Variants in OR52B2 observed in about 807,000 individuals in gnomAD.
OR52B2 encodes the protein olfactory receptor 52B2.
In OR52B2, 16 loss-of-function variants were observed where a neutral mutation model predicts 12.8. The ratio of observed to expected loss-of-function variants is 1.25; its 90% confidence interval spans 0.85 to 1.90. The LOEUF is 1.90. Among genes scored for constraint, OR52B2 ranks in the 40% most tolerant of loss-of-function variants. The pLI is 0.00. For missense variants in OR52B2, 465 were observed against 407.8 expected, an observed-to-expected ratio of 1.14 and a Z score of -1.21; for synonymous variants, 169 against 152.2, an observed-to-expected ratio of 1.11 and a Z score of -0.81.
chr11:6,170,178 A>G lies in OR52B2; in HGVS notation c.149T>C (p.Val50Ala). The change falls in exon 1 of 1, where the codon GTT becomes GCT. Residue 50 changes from valine to alanine, a missense_variant. Physicochemically the swap from Val to Ala is moderately conservative, Grantham distance 64. Coordinates refer to ENST00000530810, the MANE Select transcript of OR52B2 (RefSeq NM_001004052.1). ...ATGAAGGTTACGTTCCATGACAATAACCACTATCAGGATGCTGTTTCCCAG... is the reference window on the plus strand; with the variant it reads ...ATGAAGGTTACGTTCCATGACAATAGCCACTATCAGGATGCTGTTTCCCAG... Reference protein sequence around the residue: ...AVLGNSILIVVIVMERNLHVP... With the variant: ...AVLGNSILIVAIVMERNLHVP... The G allele has an allele frequency of 6.2e-7, 1 of 1,613,724 alleles. No homozygotes were observed. The highest frequency in any genetic ancestry group is 8.5e-7 in the Non-Finnish European group (1 of 1,179,822).
Position 6,169,787 on chromosome 11 carries a change from G to T in OR52B2, c.540C>A (p.Tyr180Ter). Residue 180 changes from tyrosine (Y) to a stop codon, truncating the protein, a stop_gained, in exon 1 of 1, where the codon TAC becomes TAA. Coordinates refer to ENST00000530810, the MANE Select transcript of OR52B2 (RefSeq NM_001004052.1). LOFTEE classifies it high-confidence loss of function. ...FCLTNIVPHSYCEHIGVARLA... is the reference protein window; with the variant it reads ...FCLTNIVPHS ...AACGAGCCACTCCAATATGCTCACA[G>T]TAGGAGTGAGGAACAATGTTGGTTA... 1 of 1,613,652 alleles carries T rather than the reference G, an allele frequency of 6.2e-7. No homozygotes were observed. Among genetic ancestry groups the T allele is most frequent in the Non-Finnish European group, 8.5e-7 (1 of 1,179,694 alleles).
At position 6,170,315 on chromosome 11, in the gene OR52B2, G is replaced by T. The variant is rs776026386; in HGVS notation, c.12C>A (p.Thr4=). MSH[T]NVTIFHPAVF... ...CTGCAGGATGGAAGATGGTAACATTGGTGTGACTCATGATGCACTTTATGG... is the reference window on the plus strand; with the variant it reads ...CTGCAGGATGGAAGATGGTAACATTTGTGTGACTCATGATGCACTTTATGG... The change falls in exon 1 of 1, where the codon ACC becomes ACA. Residue 4 remains threonine (T), a synonymous_variant. Coordinates refer to ENST00000530810, the MANE Select transcript of OR52B2 (RefSeq NM_001004052.1). 6.2e-7 allele frequency: 1 copy of T among 1,605,388 alleles called. No individual in the cohort carries two copies. Among genetic ancestry groups the T allele is most frequent in the South Asian group, 1.1e-5 (1 of 91,006 alleles).
At position 6,170,190 on chromosome 11, in the gene OR52B2, A is replaced by G. The variant is rs114210771; in HGVS notation, c.137T>C (p.Ile46Thr). The change falls in exon 1 of 1, where the codon ATC becomes ACC. Residue 46 changes from isoleucine to threonine, a missense_variant. Transcript: ENST00000530810. ...IYITAVLGNSILIVVIVMERN... is the reference protein window; with the variant it reads ...IYITAVLGNSTLIVVIVMERN... ...TTCCATGACAATAACCACTATCAGG[A>G]TGCTGTTTCCCAGGACTGCAGTGAT... The G allele has an allele frequency of 8.0e-4, 1,289 of 1,613,716 alleles. 27 individuals carry two copies. In the African/African-American group the frequency reaches 0.015, roughly 19 times the overall value.
At position 6,169,466 on chromosome 11, in the gene OR52B2, T is replaced by G. The variant is rs574371085; in HGVS notation, c.861A>C (p.Pro287=). 1 of 1,613,756 alleles carries G rather than the reference T, an allele frequency of 6.2e-7. No individual in the cohort carries two copies. The highest frequency in any genetic ancestry group is 2.2e-5 in the East Asian group (1 of 44,872). The part of the protein sequence containing the change: ...LLANLYVAVP[P]MLNPIVYGVK... Reference sequence around the variant, plus strand: ...CACCATAGACAATGGGGTTCAGCATTGGTGGCACTGCCACATAAAGATTGG... The same window carrying G: ...CACCATAGACAATGGGGTTCAGCATGGGTGGCACTGCCACATAAAGATTGG... The change falls in exon 1 of 1, where the codon CCA becomes CCC. Residue 287 remains proline (P), a synonymous_variant. Transcript: ENST00000530810.
At position 6,170,282 on chromosome 11, in the gene OR52B2, G is replaced by T. The variant is rs1283469878; in HGVS notation, c.45C>A (p.Val15=). 3 of 1,610,698 alleles carry T rather than the reference G, an allele frequency of 1.9e-6. No homozygotes were observed. In the African/African-American group the frequency reaches 4.0e-5, roughly 22 times the overall value. The change falls in exon 1 of 1, where the codon GTC becomes GTA. Residue 15 remains valine (V), a synonymous_variant. Transcript: ENST00000530810. ...CCTCCAACCCAGGGATGCCAGGAAG[G>T]ACAAAAACTGCAGGATGGAAGATGG... The part of the protein sequence containing the change: ...NVTIFHPAVF[V]LPGIPGLEAY...
At position 6,170,025 on chromosome 11, in the gene OR52B2, G is replaced by A. The variant is rs752333735; in HGVS notation, c.302C>T (p.Thr101Ile). ...CATCATATGGACAAAGAAGCCTTGGGTGACACAGGCATCAAAAGCAATGTT... is the reference window on the plus strand; with the variant it reads ...CATCATATGGACAAAGAAGCCTTGGATGACACAGGCATCAAAAGCAATGTT... ...AHNIAFDACVTQGFFVHMMFV... is the reference protein window; with the variant it reads ...AHNIAFDACVIQGFFVHMMFV... Residue 101 changes from threonine (T) to isoleucine (I), a missense_variant, in exon 1 of 1, where the codon ACC (threonine) becomes ATC (isoleucine). Coordinates refer to ENST00000530810, the MANE Select transcript of OR52B2 (RefSeq NM_001004052.1). The A allele has an allele frequency of 2.2e-5, 35 of 1,613,668 alleles. No individual in the cohort carries two copies. The South Asian group carries it at 3.0e-4, about 14-fold the overall frequency.
In OR52B2 at chr11:6,169,901, A is replaced by T; in HGVS notation, c.426T>A (p.Val142=). ...TGACGGCCAGAGCAATCCTCCCCAC[A>T]ACAGGCCATGTTAGCACTGTTGTAT... is the stretch of plus-strand genomic sequence containing the variant. ...LRYTTVLTWP[V]VGRIALAVIT... is the part of the protein sequence containing the mutation. Residue 142 remains valine, a synonymous_variant, in exon 1 of 1, where the codon GTT becomes GTA. Coordinates refer to ENST00000530810, the MANE Select transcript of OR52B2 (RefSeq NM_001004052.1). 2.5e-6 allele frequency: 4 copies of T among 1,613,800 alleles called. No individual in the cohort carries two copies. Among genetic ancestry groups the T allele is most frequent in the Non-Finnish European group, 3.4e-6 (4 of 1,179,888 alleles).
In OR52B2 at chr11:6,170,196, T is replaced by A. The variant is rs775114936; in HGVS notation, c.131A>T (p.Asn44Ile). ...GACAATAACCACTATCAGGATGCTG[T>A]TTCCCAGGACTGCAGTGATGTAAAT... The part of the protein sequence containing the change: ...CLIYITAVLG[N>I]SILIVVIVME... Residue 44 changes from asparagine to isoleucine, a missense_variant, in exon 1 of 1, where the codon AAC becomes ATC. Transcript: ENST00000530810. 6.2e-7 allele frequency: 1 copy of A among 1,613,678 alleles called. No homozygotes were observed. The highest frequency in any genetic ancestry group is 8.5e-7 in the Non-Finnish European group (1 of 1,179,824).
At position 6,169,526 on chromosome 11, in the gene OR52B2, C is replaced by A. The variant is rs746270760; in HGVS notation, c.801G>T (p.Gly267=). ...TATGGACATGTTGAGGAATATTACG[C>A]CCAAAATGATGGGTCAATAAGGTAA... ...SFFTLLTHHF[G]RNIPQHVHIL... The change falls in exon 1 of 1, where the codon GGG becomes GGT. Residue 267 remains glycine (G), a synonymous_variant. Transcript: ENST00000530810. 5.6e-6 allele frequency: 9 copies of A among 1,613,688 alleles called. 1 individual carries two copies. The South Asian group carries it at 7.7e-5, about 14-fold the overall frequency.
At position 6,169,704 on chromosome 11, in the gene OR52B2, A is replaced by G; in HGVS notation, c.623T>C (p.Met208Thr). 3.7e-6 allele frequency: 6 copies of G among 1,613,778 alleles called. No individual in the cohort carries two copies. The highest frequency in any genetic ancestry group is 1.6e-4 in the Middle Eastern group (1 of 6,062). Residue 208 changes from methionine to threonine, a missense_variant, in exon 1 of 1, where the codon ATG becomes ACG. Met to Thr is a moderately conservative substitution (Grantham distance 81). Transcript: ENST00000530810. ...GATGAGGATAACATCCAAGATGACC[A>G]TGACAATGGGCACTGAGAAGCCATA... ...IWYGFSVPIVMVILDVILIAV... is the reference protein window; with the variant it reads ...IWYGFSVPIVTVILDVILIAV...
Position 6,170,214 on chromosome 11 carries a change from A to T in OR52B2, c.113T>A (p.Ile38Asn). The change falls in exon 1 of 1, where the codon ATC (isoleucine) becomes AAC (asparagine). Residue 38 changes from isoleucine (I) to asparagine (N), a missense_variant. Ile to Asn is a moderately radical substitution (Grantham distance 149). Coordinates refer to ENST00000530810, the MANE Select transcript of OR52B2 (RefSeq NM_001004052.1). ...GATGCTGTTTCCCAGGACTGCAGTG[A>T]TGTAAATGAGGCAAAGAGGTATTGA... ...WLSIPLCLIY[I>N]TAVLGNSILI... 7.4e-6 allele frequency: 12 copies of T among 1,613,704 alleles called. No homozygotes were observed. The highest frequency in any genetic ancestry group is 1.0e-5 in the Non-Finnish European group (12 of 1,179,852).
At position 6,170,162 on chromosome 11, in the gene OR52B2, A is replaced by G; in HGVS notation, c.165T>C (p.Arg55=). The G allele has an allele frequency of 6.2e-7, 1 of 1,613,782 alleles. No individual in the cohort carries two copies. The highest frequency in any genetic ancestry group is 8.5e-7 in the Non-Finnish European group (1 of 1,179,830). The part of the protein sequence containing the change: ...SILIVVIVME[R]NLHVPMYFFL... ...AGAAATACATGGGCACATGAAGGTT[A>G]CGTTCCATGACAATAACCACTATCA... Residue 55 remains arginine, a synonymous_variant, in exon 1 of 1, where the codon CGT becomes CGC. Coordinates refer to ENST00000530810, the MANE Select transcript of OR52B2 (RefSeq NM_001004052.1).
chr11:6,169,573 T>G lies in OR52B2; in HGVS notation c.754A>C (p.Met252Leu), dbSNP rs115058946. The change falls in exon 1 of 1, where the codon ATG (methionine) becomes CTG (leucine). Residue 252 changes from methionine to leucine, a missense_variant. Physicochemically the swap from Met to Leu is conservative, Grantham distance 15. Coordinates refer to ENST00000530810, the MANE Select transcript of OR52B2 (RefSeq NM_001004052.1). ...TCGSHLCVIL[M>L]FYVPSFFTLL... ...GTAAAGAAGGATGGAACATAAAACA[T>G]AAGGATGACACAGAGGTGGGAGCCA... is the stretch of plus-strand genomic sequence containing the variant. 6.2e-7 allele frequency: 1 copy of G among 1,613,568 alleles called. No individual in the cohort carries two copies. Among genetic ancestry groups the G allele is most frequent in the African/African-American group, 1.3e-5 (1 of 74,748 alleles).
At position 6,169,685 on chromosome 11, in the gene OR52B2, G is replaced by A. The variant is rs1846644165; in HGVS notation, c.642C>T (p.Ile214=). The change falls in exon 1 of 1, where the codon ATC becomes ATT. Residue 214 remains isoleucine (I), a synonymous_variant. Coordinates refer to ENST00000530810, the MANE Select transcript of OR52B2 (RefSeq NM_001004052.1). ...VPIVMVILDV[I]LIAVSYSLIL... ...TCAGTGAGTAAGACACAGCGATGAG[G>A]ATAACATCCAAGATGACCATGACAA... 3 of 1,613,740 alleles carry A rather than the reference G, an allele frequency of 1.9e-6. No individual in the cohort carries two copies. In the East Asian group the frequency reaches 6.7e-5, roughly 36 times the overall value.
At position 6,170,125 on chromosome 11, in the gene OR52B2, G is replaced by T; in HGVS notation, c.202C>A (p.Leu68Met). 1 of 1,613,814 alleles carries T rather than the reference G, an allele frequency of 6.2e-7. No individual in the cohort carries two copies. Among genetic ancestry groups the T allele is most frequent in the Non-Finnish European group, 8.5e-7 (1 of 1,179,870 alleles). Reference protein sequence around the residue: ...HVPMYFFLSMLAVMDILLSTT... With the variant: ...HVPMYFFLSMMAVMDILLSTT... ...GACAGCAGGATGTCCATGACGGCCA[G>T]CATTGAGAGGAAGAAATACATGGGC... Residue 68 changes from leucine to methionine, a missense_variant, in exon 1 of 1, where the codon CTG (leucine) becomes ATG (methionine). Leu to Met is a conservative substitution (Grantham distance 15). Transcript: ENST00000530810.
rs369564218 is a variant in OR52B2 at position 6,169,954 on chromosome 11, A to G, written c.373T>C (p.Phe125Leu). ...CTCAGTGGGGCACAAATGGCCACAAAGCGATCAAAGGCCATGGCTAACAGG... is the reference window on the plus strand; with the variant it reads ...CTCAGTGGGGCACAAATGGCCACAAGGCGATCAAAGGCCATGGCTAACAGG... ...AILLAMAFDR[F>L]VAICAPLRYT... Residue 125 changes from phenylalanine (F) to leucine (L), a missense_variant, in exon 1 of 1, where the codon TTT becomes CTT. Physicochemically the swap from Phe to Leu is conservative, Grantham distance 22 (BLOSUM62 0). Transcript: ENST00000530810. 2.5e-6 allele frequency: 4 copies of G among 1,613,702 alleles called. No individual in the cohort carries two copies. In the African/African-American group the frequency reaches 5.3e-5, roughly 22 times the overall value.
At position 6,169,430 on chromosome 11, in the gene OR52B2, C is replaced by CT; in HGVS notation, c.896dup (p.Gln300AlafsTer4). On this transcript the variant is annotated frameshift_variant, in exon 1 of 1. Coordinates refer to ENST00000530810, the MANE Select transcript of OR52B2 (RefSeq NM_001004052.1). LOFTEE classifies it high-confidence loss of function. Reference sequence around the variant, plus strand: ...GGTGGGCTACACCCTCACGTATCTGCTTAGTCTTCACACCATAGACAATGG... The same window carrying CT: ...GGTGGGCTACACCCTCACGTATCTGCTTTAGTCTTCACACCATAGACAATGG... 1 of 1,613,762 alleles carries CT rather than the reference C, an allele frequency of 6.2e-7. No homozygotes were observed. The highest frequency in any genetic ancestry group is 1.3e-5 in the African/African-American group (1 of 74,928).
chr11:6,169,925 A>G lies in OR52B2; in HGVS notation c.402T>C (p.Tyr134=), dbSNP rs757794084. 6.2e-7 allele frequency: 1 copy of G among 1,613,780 alleles called. No homozygotes were observed. Among genetic ancestry groups the G allele is most frequent in the Non-Finnish European group, 8.5e-7 (1 of 1,179,874 alleles). The change falls in exon 1 of 1, where the codon TAT becomes TAC. Residue 134 remains tyrosine, a synonymous_variant. Transcript: ENST00000530810. ...CAACAGGCCATGTTAGCACTGTTGTATATCTCAGTGGGGCACAAATGGCCA... is the reference window on the plus strand; with the variant it reads ...CAACAGGCCATGTTAGCACTGTTGTGTATCTCAGTGGGGCACAAATGGCCA... ...RFVAICAPLR[Y]TTVLTWPVVG... is the part of the protein sequence containing the mutation.
In OR52B2 at chr11:6,169,779, T is replaced by C. The variant is rs1564844375; in HGVS notation, c.548A>G (p.His183Arg). ...ACAGGCTAAACGAGCCACTCCAATATGCTCACAGTAGGAGTGAGGAACAAT... is the reference window on the plus strand; with the variant it reads ...ACAGGCTAAACGAGCCACTCCAATACGCTCACAGTAGGAGTGAGGAACAAT... ...TNIVPHSYCE[H>R]IGVARLACAD... The change falls in exon 1 of 1, where the codon CAT becomes CGT. Residue 183 changes from histidine (H) to arginine (R), a missense_variant. His to Arg is a conservative substitution (Grantham distance 29). Coordinates refer to ENST00000530810, the MANE Select transcript of OR52B2 (RefSeq NM_001004052.1). The C allele has an allele frequency of 3.1e-6, 5 of 1,613,516 alleles. No individual in the cohort carries two copies. The highest frequency in any genetic ancestry group is 2.2e-5 in the East Asian group (1 of 44,884).
Sources: gnomAD v4.1 joint callset for allele counts on GRCh38, gnomAD v4.1.1 for gene constraint, MANE v1.5 for transcripts, NCBI Gene and HGNC (gene_info 2026-07-23, HGNC 2026-07-21) for gene names.